The following SLC7A7 variants were observed in gnomAD, a reference collection of about 807,000 sequenced individuals.
SLC7A7 encodes solute carrier family 7 member 7.
A neutral mutation model predicts 47.9 loss-of-function variants in SLC7A7; 39 were observed. The observed-to-expected ratio is 0.81, with a 90% CI of 0.63 to 1.06. The LOEUF (loss-of-function observed/expected upper bound fraction) is 1.06. SLC7A7 is among the 50% of genes least tolerant of loss of function. The pLI, the probability that SLC7A7 is intolerant of heterozygous loss-of-function variation, is 0.00. For missense variants in SLC7A7, 588 were observed against 632.0 expected (o/e 0.93, Z 0.75); for synonymous variants, 234 against 242.8 (o/e 0.96, Z 0.34).
intron 2 of SLC7A7, among the ~76,000 whole-genome samples, chr14:22,784,465 A>G: frequency 6.6e-6 from 1 of 152,072 alleles, no homozygotes; most frequent in East Asian, 1.9e-4. Context: ...TAAAAATACA[A>G]AAATTAGCTG....
chr14:22,800,367 T>A (rs571374300), intron 2 of SLC7A7, among the ~76,000 whole-genome samples: 4 of 152,306 alleles, frequency 2.6e-5, no homozygotes, highest in African/African-American at 9.6e-5. Context: ...ACTTTGACAC[T>A]CTACCCATCA....
intron 2 of SLC7A7, among the ~76,000 whole-genome samples, chr14:22,807,962 G>A (rs1240730980): frequency 2.0e-5 from 3 of 152,146 alleles, no homozygotes; most frequent in Non-Finnish European, 4.4e-5. Context: ...AGGAGTTCGA[G>A]ACCAGCCTGG....
At position 22,780,534 on chromosome 14, in the gene SLC7A7, G is replaced by A. The variant is rs1566444127; in HGVS notation, c.500-483C>T. 3 of 165,570 alleles carry A rather than the reference G, an allele frequency of 1.8e-5. No homozygotes were observed. In the South Asian group the frequency reaches 4.6e-4, roughly 26 times the overall value. 10.3% of individuals were successfully genotyped at this position (165,570 alleles called of 1,614,324 possible). On this transcript the variant is annotated intron_variant, in intron 2 of 9. Coordinates refer to ENST00000674313, the MANE Select transcript of SLC7A7 (RefSeq NM_003982.4). Reference sequence around the variant, plus strand: ...GCTGAGCCAGCAGGTCAGGCTGTGTGGCCAAGGATTAGGATGAAGGCCAGA... The same window carrying A: ...GCTGAGCCAGCAGGTCAGGCTGTGTAGCCAAGGATTAGGATGAAGGCCAGA...
At chr14:22,781,043 A>G (rs895717210) in intron 2 of SLC7A7, among the ~76,000 whole-genome samples, 1 of 152,082 alleles carries the variant, frequency 6.6e-6, no homozygotes, top group African/African-American at 2.4e-5. Context: ...AGATCTTCCC[A>G]CTGGTAGCAT....
intron 2 of SLC7A7, among the ~76,000 whole-genome samples, chr14:22,787,988 G>A (rs2038849421): frequency 6.6e-6 from 1 of 151,684 alleles, no homozygotes; most frequent in Admixed American, 6.6e-5. Context: ...CAGGAGAATG[G>A]CGTGAACCCG....
At position 22,773,729 on chromosome 14, in the gene SLC7A7, C is replaced by T. The variant is rs548823363; in HGVS notation, c.1430-13G>A. The T allele has an allele frequency of 1.9e-6, 3 of 1,613,540 alleles. No individual in the cohort carries two copies. The highest frequency in any genetic ancestry group is 2.2e-5 in the East Asian group (1 of 44,880). ...CTTGTGGCAGACCCTACAAAGAGAA[C>T]TTTGAGTTGGAATTGAGAAGAGGTC... On this transcript the variant is annotated splice_polypyrimidine_tract_variant and intron_variant, in intron 9 of 9. Transcript: ENST00000674313.
chr14:22,775,293 T>C, intron 7 of SLC7A7, 151 bp downstream of exon 7: 1 of 753,096 alleles, frequency 1.3e-6, no homozygotes, highest in Non-Finnish European at 2.4e-6. Context: ...GCGGTTAGCA[T>C]AGTGCCTTGC....
intron 2 of SLC7A7, among the ~76,000 whole-genome samples, chr14:22,791,102 A>G (rs75649256): frequency 6.6e-6 from 1 of 152,012 alleles, no homozygotes; most frequent in Non-Finnish European, 1.5e-5. Context: ...CATTTTCTCC[A>G]AATGCGTTAC....
chr14:22,792,863 AAGAAAGAG>A (rs1391226893), intron 2 of SLC7A7, among the ~76,000 whole-genome samples: 1 of 38,892 alleles, frequency 2.6e-5, no homozygotes, highest in East Asian at 1.3e-3. Context: ...GTCTCAAAGA[AAGAAAGAG>A]AGAGAGAGAG....
intron 4 of SLC7A7, among the ~76,000 whole-genome samples, chr14:22,777,842 G>C (rs2038644448): frequency 6.6e-6 from 1 of 152,200 alleles, no homozygotes. Flanking sequence ...GGGAGGCTAA[G>C]GCGGGCGGAT....
At chr14:22,814,205 C>G (rs543542438) in intron 1 of SLC7A7, among the ~76,000 whole-genome samples, 1 of 151,318 alleles carries the variant, frequency 6.6e-6, no homozygotes, top group East Asian at 2.0e-4. Context: ...AATCTTGGGC[C>G]GGGCGCTGTG....
Position 22,776,426 on chromosome 14 carries a change from T to G in SLC7A7, c.771-108A>C, listed in dbSNP as rs534088135. On this transcript the variant is annotated intron_variant, in intron 4 of 9. Transcript: ENST00000674313. ...CACCGGTCTTTCCAGGGATGGAGACTGTTGCTACATTTCCTCAATGCATTT... is the reference window on the plus strand; with the variant it reads ...CACCGGTCTTTCCAGGGATGGAGACGGTTGCTACATTTCCTCAATGCATTT... The G allele has an allele frequency of 1.1e-4, 162 of 1,413,952 alleles. 3 individuals are homozygous for G. The Middle Eastern group carries it at 2.9e-3, about 25-fold the overall frequency. The allele number at this position is 1,413,952 out of a possible 1,614,324, so 87.6% of individuals were successfully genotyped here.
At position 22,773,620 on chromosome 14, in the gene SLC7A7, T is replaced by G. The variant is rs774333377; in HGVS notation, c.1526A>C (p.Lys509Thr). The change falls in exon 10 of 10, where the codon AAA becomes ACA. Residue 509 changes from lysine to threonine, a missense_variant. Transcript: ENST00000674313. ...GGEMPKQRDP[K>T]SN ...GATTCCAGATGGTGTTTAGTTAGAT[T>G]TGGGATCCCGTTGCTTGGGCATCTC... The G allele has an allele frequency of 2.5e-6, 4 of 1,613,776 alleles. No homozygotes were observed. The highest frequency in any genetic ancestry group is 3.4e-6 in the Non-Finnish European group (4 of 1,179,628).
intron 2 of SLC7A7, among the ~76,000 whole-genome samples, chr14:22,805,415 A>T (rs10145611): frequency 3.3e-5 from 5 of 152,168 alleles, no homozygotes; most frequent in Admixed American, 3.3e-4. Context: ...CATATATACC[A>T]TGAAATAGTA....
At chr14:22,778,165 G>A (rs1419347827) in intron 4 of SLC7A7, among the ~76,000 whole-genome samples, 3 of 152,294 alleles carry the variant, frequency 2.0e-5, no homozygotes, top group East Asian at 3.9e-4. Context: ...AGGCCATGGA[G>A]ATCACAGAAT....
At chr14:22,776,033 C>T (rs2038598368) in intron 5 of SLC7A7, 97 bp from the exon 6 acceptor site, 3 of 1,421,172 alleles carry the variant, frequency 2.1e-6, no homozygotes, top group Non-Finnish European at 3.0e-6. Context: ...GGTATTCCAA[C>T]CTTTCTTCCA....
In SLC7A7 at chr14:22,774,355, T is replaced by G; in HGVS notation, c.1244A>C (p.Lys415Thr). 6.2e-7 allele frequency: 1 copy of G among 1,614,076 alleles called. No homozygotes were observed. The highest frequency in any genetic ancestry group is 1.1e-5 in the South Asian group (1 of 91,076). The change falls in exon 8 of 10, where the codon AAG becomes ACG. Residue 415 changes from lysine to threonine, a missense_variant and splice_region_variant. Transcript: ENST00000674313. ...WKEPDRPRPL[K>T]LSVFFPIVFC... ...AGAGGTAGGATGGAGTTGCCTTACC[T>G]TGAGGGGACGAGGTCGATCAGGCTC... is the stretch of plus-strand genomic sequence containing the variant.
chr14:22,777,247 C>G (rs2038631206), intron 4 of SLC7A7, among the ~76,000 whole-genome samples: 1 of 151,662 alleles, frequency 6.6e-6, no homozygotes, highest in Admixed American at 6.6e-5. Context: ...TTTTATACCC[C>G]AAAGATCTTT....
At position 22,775,363 on chromosome 14, in the gene SLC7A7, G is replaced by A. The variant is rs2038579691; in HGVS notation, c.1095+81C>T. 8.9e-6 allele frequency: 10 copies of A among 1,119,750 alleles called. No homozygotes were observed. The South Asian group carries it at 1.2e-4, about 14-fold the overall frequency. The allele number at this position is 1,119,750 out of a possible 1,614,324, so 69.4% of individuals were successfully genotyped here. A position where few individuals can be genotyped will look rare whatever the true frequency, so the allele number is the denominator to read the frequency against. On this transcript the variant is annotated intron_variant, in intron 7 of 9. Transcript: ENST00000674313. The stretch of plus-strand genomic sequence containing the variant: ...CTATTGGAATCTTTCAGAGCTTTCA[G>A]GAAGCTAGAACAGTCGCTTCTGCTG...
Sources: gnomAD v4.1 joint callset for allele counts (sites outside exome capture counted in the v4.1 genomes callset) on GRCh38, gnomAD v4.1.1 for gene constraint, MANE v1.5 for transcripts, NCBI Gene and HGNC (gene_info 2026-07-23, HGNC 2026-07-21) for gene names.